The following XPR1 variants were observed in gnomAD, a reference collection of about 807,000 sequenced individuals.
XPR1 encodes xenotropic and polytropic retrovirus receptor 1, also known as solute carrier family 53 member 1.
XPR1 carries 28 observed loss-of-function variants against 87.5 expected under a neutral mutation model. That is an observed-to-expected ratio of 0.32 (90% confidence interval 0.24 to 0.44). XPR1 has a LOEUF of 0.44. Ranked by LOEUF, XPR1 falls within the 20% of genes least tolerant of loss-of-function variation. The pLI is 1.00. For missense variants in XPR1, 559 were observed against 862.3 expected (o/e 0.65, Z 4.41); for synonymous variants, 300 against 306.1 (o/e 0.98, Z 0.21).
chr1:180,823,155 C>T (rs753348935), intron 7 of XPR1, among the ~76,000 whole-genome samples: 2 of 151,772 alleles, frequency 1.3e-5, no homozygotes, highest in Non-Finnish European at 2.9e-5. Flanking sequence ...GCAGGAGAAT[C>T]GCTTGAACGC....
At chr1:180,755,579 C>T (rs1647702951) in intron 2 of XPR1, among the ~76,000 whole-genome samples, 1 of 152,184 alleles carries the variant, frequency 6.6e-6, no homozygotes, top group African/African-American at 2.4e-5. Context: ...CACTACTTCA[C>T]AATAATCCAT....
At chr1:180,770,915 T>C (rs115980912) in intron 2 of XPR1, among the ~76,000 whole-genome samples, 4,199 of 152,288 alleles carry the variant, frequency 0.028, 72 homozygotes, top group Non-Finnish European at 0.031. Flanking sequence ...ATCCCTCAGC[T>C]CCTTCTTTAT....
chr1:180,861,720 A>G (rs763514179), intron 11 of XPR1, among the ~76,000 whole-genome samples: 100 of 152,248 alleles, frequency 6.6e-4, no homozygotes, highest in Non-Finnish European at 1.3e-3. Flanking sequence ...CTGCCTTTCT[A>G]AGAGAAGCAG....
chr1:180,843,697 TAAA>T (rs557074080), intron 11 of XPR1, among the ~76,000 whole-genome samples: 1 of 141,660 alleles, frequency 7.1e-6, no homozygotes. Context: ...GAAAAGTCTT[TAAA>T]AAAAAAAAAA....
At chr1:180,842,871 C>G in intron 11 of XPR1, among the ~76,000 whole-genome samples, 1 of 152,060 alleles carries the variant, frequency 6.6e-6, no homozygotes, top group South Asian at 2.1e-4. Flanking sequence ...TTGTATTTTA[C>G]TTTAGACTTT....
intron 2 of XPR1, among the ~76,000 whole-genome samples, chr1:180,755,206 A>C (rs533774164): frequency 6.6e-6 from 1 of 152,308 alleles, no homozygotes; most frequent in African/African-American, 2.4e-5. Context: ...GAGGGCCTGG[A>C]AATCGACATC....
chr1:180,674,016 G>A (rs1177544156), intron 1 of XPR1, among the ~76,000 whole-genome samples: 1 of 152,144 alleles, frequency 6.6e-6, no homozygotes, highest in African/African-American at 2.4e-5. Context: ...TAAGTTTTGT[G>A]GTAGTTCATA....
At chr1:180,882,970 GT>G (rs968344097) in intron 14 of XPR1, among the ~76,000 whole-genome samples, 8 of 149,320 alleles carry the variant, frequency 5.4e-5, no homozygotes, top group Admixed American at 1.3e-4. Context: ...GGGGTTGGTT[GT>G]TTTTTTTTGG....
intron 13 of XPR1, among the ~76,000 whole-genome samples, chr1:180,874,496 C>G: frequency 6.6e-6 from 1 of 151,992 alleles, no homozygotes; most frequent in African/African-American, 2.4e-5. Flanking sequence ...TCAAGACCAA[C>G]CTGGCCAACA....
chr1:180,659,798 T>A (rs1188448142), intron 1 of XPR1, among the ~76,000 whole-genome samples: 1 of 150,978 alleles, frequency 6.6e-6, no homozygotes, highest in African/African-American at 2.4e-5. Context: ...ATTACAGGCG[T>A]GAGCCACCAC....
rs1041592116 is a variant in XPR1, at chr1:180,887,794, C to T, written c.*3728C>T. 1.3e-5 allele frequency: 2 copies of T among 152,250 alleles called. No homozygotes were observed. The highest frequency in any genetic ancestry group is 2.9e-5 in the Non-Finnish European group (2 of 68,052). The allele number at this position is 152,250 out of a possible 1,614,324, so 9.4% of individuals were successfully genotyped here. ...AGAGTTCTGTGACTTTAACTGAGCT[C>T]TTTACCAGAAGTAACGTGTTGATGT... On this transcript the variant is annotated 3_prime_UTR_variant, in exon 15 of 15. Coordinates refer to ENST00000367590, the MANE Select transcript of XPR1 (RefSeq NM_004736.4).
At chr1:180,841,804 A>C (rs79108495) in intron 11 of XPR1, among the ~76,000 whole-genome samples, 8 of 152,158 alleles carry the variant, frequency 5.3e-5, no homozygotes, top group African/African-American at 7.2e-5. Flanking sequence ...ATAAAAAAAA[A>C]CTCATAGTTG....
chr1:180,715,660 GT>G (rs890438084), intron 2 of XPR1, among the ~76,000 whole-genome samples: 2 of 149,026 alleles, frequency 1.3e-5, no homozygotes, highest in African/African-American at 2.5e-5. Context: ...CAGAGAAGTT[GT>G]TTTTTTTTTC....
At chr1:180,799,794 G>A (rs1322743114) in intron 3 of XPR1, among the ~76,000 whole-genome samples, 2 of 152,172 alleles carry the variant, frequency 1.3e-5, no homozygotes, top group African/African-American at 2.4e-5. Flanking sequence ...CAGATGTGTA[G>A]CTGCATGCCA....
intron 2 of XPR1, among the ~76,000 whole-genome samples, chr1:180,735,598 A>T (rs914737055): frequency 6.6e-6 from 1 of 152,206 alleles, no homozygotes; most frequent in Non-Finnish European, 1.5e-5. Context: ...TCAATCTGAC[A>T]TTCTCTTGAA....
chr1:180,878,804 G>T (rs1256984234), intron 13 of XPR1, among the ~76,000 whole-genome samples: 1 of 152,162 alleles, frequency 6.6e-6, no homozygotes, highest in Non-Finnish European at 1.5e-5. Flanking sequence ...ACAGTCTCCT[G>T]TCTCACTAGC....
chr1:180,844,406 G>A (rs944684681), intron 11 of XPR1, among the ~76,000 whole-genome samples: 3 of 152,044 alleles, frequency 2.0e-5, no homozygotes, highest in Non-Finnish European at 2.9e-5. Flanking sequence ...GGTATTTACA[G>A]CAAAAAGAAA....
rs200665463 is a variant in XPR1, at chr1:180,684,711, T to G, written c.121+2300T>G. Among the ~76,000 whole-genome samples the G allele has an allele frequency of 3.4e-4, 52 of 152,186 alleles. 1 individual carries two copies. Among genetic ancestry groups the G allele is most frequent in the African/African-American group, 8.2e-4 (34 of 41,546 alleles). On this transcript the variant is annotated intron_variant, in intron 2 of 14. Coordinates refer to ENST00000367590, the MANE Select transcript of XPR1 (RefSeq NM_004736.4). ...CCTGAAGAGGTCCTTCACATCCCTT[T>G]TAAGTTGGATTCCTAGGTATTTTAT...
chr1:180,853,538 A>G (rs915896273), intron 11 of XPR1, among the ~76,000 whole-genome samples: 70 of 150,888 alleles, frequency 4.6e-4, no homozygotes, highest in African/African-American at 1.6e-3. Flanking sequence ...TCTTTTCATT[A>G]AGTTTGAGAT....
Sources: gnomAD v4.1 joint callset for allele counts (sites outside exome capture counted in the v4.1 genomes callset) on GRCh38, gnomAD v4.1.1 for gene constraint, MANE v1.5 for transcripts, NCBI Gene and HGNC (gene_info 2026-07-23, HGNC 2026-07-21) for gene names.